Variants in XKR9 observed in about 807,000 individuals in gnomAD.
The protein encoded by XKR9 is XK-related protein 9.
XKR9 carries 32 observed loss-of-function variants against 32.0 expected under a neutral mutation model. The observed-to-expected ratio is 1.00, with a 90% CI of 0.76 to 1.34. XKR9 has a LOEUF of 1.34. Ranked by LOEUF, XKR9 falls within the 40% of genes most tolerant of loss-of-function variation. The probability of loss-of-function intolerance (pLI) is 0.00; values close to 1 mark genes in which losing one functional copy is unlikely to be tolerated. For missense variants in XKR9, 546 were observed against 429.7 expected, an observed-to-expected ratio of 1.27 and a Z score of -2.39; for synonymous variants, 168 against 143.4, an observed-to-expected ratio of 1.17 and a Z score of -1.22.
the XKR9 span, among the ~76,000 whole-genome samples, chr8:70,946,503 A>G: frequency 1.3e-5 from 2 of 152,206 alleles, no homozygotes; most frequent in Non-Finnish European, 2.9e-5. Flanking sequence ...TTCAGAGTAA[A>G]GTGTCATTAT....
downstream of XKR9, among the ~76,000 whole-genome samples, chr8:70,737,930 C>T: frequency 8.6e-6 from 1 of 116,896 alleles, no homozygotes; most frequent in African/African-American, 2.8e-5. Context: ...CTAAAATTCT[C>T]TTTTTTGGTT....
the XKR9 span, among the ~76,000 whole-genome samples, chr8:71,018,486 G>A: frequency 7.9e-5 from 12 of 152,276 alleles, no homozygotes; most frequent in East Asian, 9.7e-4. Flanking sequence ...GGGAGCTTCC[G>A]AAGATGTAAA....
At chr8:70,978,387 C>T in the XKR9 span, among the ~76,000 whole-genome samples, 13 of 152,136 alleles carry the variant, frequency 8.5e-5, no homozygotes, top group South Asian at 2.1e-4. Flanking sequence ...TTTTCCTTTC[C>T]GTGTTTAGTG....
chr8:71,035,019 G>T, the XKR9 span, among the ~76,000 whole-genome samples: 1 of 152,048 alleles, frequency 6.6e-6, no homozygotes, highest in Non-Finnish European at 1.5e-5. Context: ...ATTCCTTATT[G>T]TTGGATAAAC....
the XKR9 span, among the ~76,000 whole-genome samples, chr8:71,017,142 T>C: frequency 6.6e-6 from 1 of 152,178 alleles, no homozygotes; most frequent in African/African-American, 2.4e-5. Flanking sequence ...TAGTATTTTA[T>C]GTGGAATTTT....
Position 70,733,811 on chromosome 8 carries a change from TCTCTTGC to T in XKR9, c.510_516del (p.Ser171ValfsTer12). ...TGTTTTGTAGATGCGGCCATCATGG[TCTCTTGC>T]TGTGCTATTTCTTGGTCAACTGTTG... On this transcript the variant is annotated frameshift_variant, in exon 5 of 5. Coordinates refer to ENST00000408926, the MANE Select transcript of XKR9 (RefSeq NM_001011720.2). LOFTEE classifies it high-confidence loss of function. The T allele has an allele frequency of 6.4e-7, 1 of 1,567,684 alleles. No homozygotes were observed. The highest frequency in any genetic ancestry group is 8.6e-7 in the Non-Finnish European group (1 of 1,164,212).
intron 2 of XKR9, among the ~76,000 whole-genome samples, chr8:70,753,107 C>A (rs1397552091): frequency 6.6e-6 from 1 of 152,210 alleles, no homozygotes; most frequent in African/African-American, 2.4e-5. Context: ...CACAGAAATA[C>A]AAACTACCAT....
the XKR9 span, among the ~76,000 whole-genome samples, chr8:71,050,234 GAGAT>G: frequency 2.8e-4 from 27 of 95,986 alleles, no homozygotes; most frequent in East Asian, 4.4e-3. Context: ...ATGCCTGGCA[GAGAT>G]ATATATATAT....
At chr8:70,732,196 G>T (rs952018098) in intron 4 of XKR9, among the ~76,000 whole-genome samples, 4 of 152,156 alleles carry the variant, frequency 2.6e-5, no homozygotes, top group African/African-American at 9.7e-5. Context: ...ACCCCATCAT[G>T]GGGCTACCGA....
chr8:70,723,873 C>T (rs932655953), intron 4 of XKR9, among the ~76,000 whole-genome samples: 3 of 149,240 alleles, frequency 2.0e-5, no homozygotes, highest in African/African-American at 7.4e-5. Context: ...CTCTTCAGAG[C>T]CAGTAGGTGG....
At chr8:71,045,439 C>T in the XKR9 span, among the ~76,000 whole-genome samples, 3 of 152,194 alleles carry the variant, frequency 2.0e-5, no homozygotes, top group Non-Finnish European at 4.4e-5. Context: ...CTTCTACGTG[C>T]TCTTCTTATT....
At chr8:70,818,810 T>G in the XKR9 span, among the ~76,000 whole-genome samples, 1 of 152,344 alleles carries the variant, frequency 6.6e-6, no homozygotes, top group African/African-American at 2.4e-5. Flanking sequence ...GGTTACACAC[T>G]GGCCTATTTA....
chr8:70,784,151 G>T (rs1439782708), intron 2 of XKR9, among the ~76,000 whole-genome samples: 1 of 152,100 alleles, frequency 6.6e-6, no homozygotes, highest in Non-Finnish European at 1.5e-5. Flanking sequence ...CTCCAGCTTT[G>T]TTCCTTTTGC....
At chr8:70,966,814 G>A in the XKR9 span, among the ~76,000 whole-genome samples, 1 of 152,100 alleles carries the variant, frequency 6.6e-6, no homozygotes, top group South Asian at 2.1e-4. Flanking sequence ...TGTATTGCGT[G>A]CATATATATT....
At chr8:70,703,513 T>C (rs1404210680) in intron 3 of XKR9, among the ~76,000 whole-genome samples, 4 of 152,166 alleles carry the variant, frequency 2.6e-5, no homozygotes, top group Admixed American at 2.6e-4. Context: ...GGGCCTCTTT[T>C]ATAAGCACAC....
At chr8:71,063,175 C>A in the XKR9 span, among the ~76,000 whole-genome samples, 3 of 152,062 alleles carry the variant, frequency 2.0e-5, no homozygotes, top group African/African-American at 7.2e-5. Flanking sequence ...GTGATAACTG[C>A]AAACTGGAAG....
chr8:70,941,696 T>C, the XKR9 span, among the ~76,000 whole-genome samples: 8 of 152,122 alleles, frequency 5.3e-5, no homozygotes, highest in Non-Finnish European at 1.0e-4. Flanking sequence ...GCTGTAATAA[T>C]CATCTTACAT....
rs576252027 is a variant in XKR9, at chr8:70,783,861, T to A, written n.353-5478T>A. Among the ~76,000 whole-genome samples the A allele has an allele frequency of 2.0e-5, 3 of 152,316 alleles. No individual in the cohort carries two copies. The East Asian group carries it at 5.8e-4, about 29-fold the overall frequency. ...TCTAGTCTTATATGTAAGTCTTTAATCCATTTTGAGTTGATTTTTGTATAT... is the reference window on the plus strand; with the variant it reads ...TCTAGTCTTATATGTAAGTCTTTAAACCATTTTGAGTTGATTTTTGTATAT... On this transcript the variant is annotated intron_variant and non_coding_transcript_variant, in intron 2 of 3. Coordinates refer to the XKR9 transcript ENST00000520273.
intron 2 of XKR9, among the ~76,000 whole-genome samples, chr8:70,786,173 A>T (rs1807686438): frequency 2.0e-5 from 3 of 152,122 alleles, no homozygotes; most frequent in Non-Finnish European, 4.4e-5. Context: ...AAATATGCTG[A>T]GGCTTGTTTT....
Sources: gnomAD v4.1 joint callset for allele counts (sites outside exome capture counted in the v4.1 genomes callset) on GRCh38, gnomAD v4.1.1 for gene constraint, MANE v1.5 for transcripts, NCBI Gene and HGNC (gene_info 2026-07-23, HGNC 2026-07-21) for gene names.